RBFOX1: variants seen among roughly 807,000 people sequenced by gnomAD.
RBFOX1 encodes the protein RNA binding protein fox-1 homolog 1.
A neutral mutation model predicts 57.7 loss-of-function variants in RBFOX1; 8 were observed. That is an observed-to-expected ratio of 0.14 (90% confidence interval 0.08 to 0.25). The LOEUF is 0.25. RBFOX1 is among the 10% of genes least tolerant of loss of function. The probability of loss-of-function intolerance (pLI) is 1.00; values close to 1 mark genes in which losing one functional copy is unlikely to be tolerated. For missense variants in RBFOX1, 611 were observed against 548.5 expected (o/e 1.11, Z -1.14); for synonymous variants, 326 against 222.4 (o/e 1.47, Z -4.15).
chr16:5,366,999 T>A (rs1409590910), intron 1 of RBFOX1, among the ~76,000 whole-genome samples: 1 of 152,226 alleles, frequency 6.6e-6, no homozygotes, highest in African/African-American at 2.4e-5. Flanking sequence ...CTCAGTATTT[T>A]AATAAAGTAG....
At chr16:7,676,934 C>A in intron 14 of RBFOX1, 96 bp downstream of exon 14, 1 of 1,273,232 alleles carries the variant, frequency 7.9e-7, no homozygotes, top group Non-Finnish European at 1.1e-6. Context: ...AACTGCATGA[C>A]TGCTGGGGGA....
chr16:7,568,882 CAAAAAAAAAAA>C (rs34858992), intron 5 of RBFOX1, among the ~76,000 whole-genome samples: 2 of 77,558 alleles, frequency 2.6e-5, no homozygotes, highest in African/African-American at 4.9e-5. Context: ...GACTCTGTCT[CAAAAAAAAAAA>C]AAAAAAAAAA....
chr16:7,555,076 A>T (rs139190221), intron 5 of RBFOX1, among the ~76,000 whole-genome samples: 2 of 152,142 alleles, frequency 1.3e-5, no homozygotes, highest in South Asian at 4.1e-4. Context: ...GGTATTTGCT[A>T]TTGTTGTGAG....
chr16:6,406,384 C>G (rs1226688103), intron 2 of RBFOX1, among the ~76,000 whole-genome samples: 1 of 152,132 alleles, frequency 6.6e-6, no homozygotes, highest in African/African-American at 2.4e-5. Flanking sequence ...TATGCAATGT[C>G]ACACTCTGCC....
chr16:6,492,686 C>T (rs537664834), intron 2 of RBFOX1, among the ~76,000 whole-genome samples: 5 of 152,266 alleles, frequency 3.3e-5, no homozygotes, highest in East Asian at 1.9e-4. Context: ...GGTTCACTGC[C>T]GCATTGTGAA....
At chr16:6,022,540 G>T (rs2152358167) in intron 1 of RBFOX1, among the ~76,000 whole-genome samples, 1 of 152,096 alleles carries the variant, frequency 6.6e-6, no homozygotes, top group South Asian at 2.1e-4. Context: ...CAATTAGATG[G>T]GTGTGGTGGT....
At chr16:5,493,523 C>G (rs778842140) in intron 2 of RBFOX1, among the ~76,000 whole-genome samples, 14 of 152,240 alleles carry the variant, frequency 9.2e-5, no homozygotes, top group Non-Finnish European at 2.1e-4. Context: ...CCTAGCAAAA[C>G]TTTGCGAAGT....
chr16:6,298,156 T>C (rs1341493954), intron 1 of RBFOX1, among the ~76,000 whole-genome samples: 1 of 152,182 alleles, frequency 6.6e-6, no homozygotes, highest in Non-Finnish European at 1.5e-5. Context: ...CTGTCTGTCA[T>C]CATGCTCCAC....
intron 3 of RBFOX1, among the ~76,000 whole-genome samples, chr16:6,922,886 C>G (rs1413943308): frequency 6.6e-6 from 1 of 152,146 alleles, no homozygotes; most frequent in African/African-American, 2.4e-5. Context: ...CTTGGGAAGT[C>G]TTAAACAAGG....
At chr16:5,499,119 C>G (rs923798084) in intron 2 of RBFOX1, among the ~76,000 whole-genome samples, 3 of 152,218 alleles carry the variant, frequency 2.0e-5, no homozygotes, top group African/African-American at 7.2e-5. Flanking sequence ...CTCCATTTCC[C>G]TCAGCTTTTT....
chr16:6,791,918 G>T (rs1191533727), intron 3 of RBFOX1, among the ~76,000 whole-genome samples: 2 of 152,176 alleles, frequency 1.3e-5, no homozygotes, highest in Non-Finnish European at 2.9e-5. Flanking sequence ...CACAGAGAGA[G>T]AGAGAACTAG....
At chr16:6,786,818 A>G (rs574779374) in intron 3 of RBFOX1, among the ~76,000 whole-genome samples, 1 of 152,300 alleles carries the variant, frequency 6.6e-6, no homozygotes, top group South Asian at 2.1e-4. Context: ...CATGGTCACA[A>G]TTGACTAAAA....
intron 3 of RBFOX1, among the ~76,000 whole-genome samples, chr16:5,632,971 C>G (rs912766379): frequency 6.3e-4 from 84 of 133,300 alleles, no homozygotes; most frequent in African/African-American, 2.1e-3. Context: ...TGGAGTCTCA[C>G]TCTGTCACCT....
chr16:6,284,468 G>C (rs7196564), intron 1 of RBFOX1, among the ~76,000 whole-genome samples: 2 of 152,286 alleles, frequency 1.3e-5, no homozygotes, highest in African/African-American at 4.8e-5. Context: ...GAGGACAGCA[G>C]CCTGCAGAAC....
intron 4 of RBFOX1, among the ~76,000 whole-genome samples, chr16:7,379,857 C>T (rs553876047): frequency 6.6e-6 from 1 of 151,818 alleles, no homozygotes; most frequent in Non-Finnish European, 1.5e-5. Flanking sequence ...TTTTCTCTTC[C>T]TTTTCTTTCT....
chr16:6,933,221 G>C (rs2076840441), intron 3 of RBFOX1, among the ~76,000 whole-genome samples: 1 of 152,174 alleles, frequency 6.6e-6, no homozygotes, highest in Non-Finnish European at 1.5e-5. Context: ...ATACCTTTCA[G>C]AGTCCCTGCT....
intron 15 of RBFOX1, 98 bp downstream of exon 15, chr16:7,709,229 T>TA: frequency 8.3e-7 from 1 of 1,200,206 alleles, no homozygotes; most frequent in Non-Finnish European, 1.2e-6. Flanking sequence ...CACTTCCCGT[T>TA]AATTGAATTT....
intron 1 of RBFOX1, among the ~76,000 whole-genome samples, chr16:6,282,889 C>T (rs192715502): frequency 2.6e-5 from 4 of 152,270 alleles, no homozygotes; most frequent in Non-Finnish European, 5.9e-5. Context: ...TACTTTGCAT[C>T]TATTGTCTCA....
Position 7,683,927 on chromosome 16 carries a change from CA to C in RBFOX1, c.995+7091del, listed in dbSNP as rs1270886346. ...GCTCATGCAGCATTTGTGGATGTGG[CA>C]ATAAAAATTAAACCGCTCCACTTTG... On this transcript the variant is annotated intron_variant, in intron 14 of 15. Coordinates refer to ENST00000550418, the MANE Select transcript of RBFOX1 (RefSeq NM_018723.4). 1.9e-4 allele frequency among the ~76,000 whole-genome samples: 29 copies of C among 152,062 alleles called. 1 individual carries two copies. The highest frequency in any genetic ancestry group is 6.7e-4 in the African/African-American group (28 of 41,520).
Sources: gnomAD v4.1 joint callset for allele counts (sites outside exome capture counted in the v4.1 genomes callset) on GRCh38, gnomAD v4.1.1 for gene constraint, MANE v1.5 for transcripts, NCBI Gene and HGNC (gene_info 2026-07-23, HGNC 2026-07-21) for gene names.